Variants in CPXM2 observed in about 807,000 individuals in gnomAD.
CPXM2 encodes the protein carboxypeptidase X, M14 family member 2, also known as inactive carboxypeptidase-like protein X2.
CPXM2 carries 66 observed loss-of-function variants against 86.1 expected under a neutral mutation model. The ratio of observed to expected loss-of-function variants is 0.77; its 90% CI spans 0.63 to 0.94. The LOEUF (loss-of-function observed/expected upper bound fraction) is 0.94. Among genes scored for constraint, CPXM2 ranks in the 40% least tolerant of loss-of-function variants. The probability of loss-of-function intolerance (pLI) is 0.00; values close to 1 mark genes in which losing one functional copy is unlikely to be tolerated. For missense variants in CPXM2, 948 were observed against 1,026.3 expected (o/e 0.92, Z 1.04); for synonymous variants, 388 against 400.2 (o/e 0.97, Z 0.36).
In CPXM2 at chr10:123,771,004, G is replaced by A; in HGVS notation, c.1014C>T (p.Ile338=). 1 of 1,612,858 alleles carries A rather than the reference G, an allele frequency of 6.2e-7. No homozygotes were observed. Among genetic ancestry groups the A allele is most frequent in the East Asian group, 2.2e-5 (1 of 44,874 alleles). The change falls in exon 8 of 14, where the codon ATC becomes ATT. Residue 338 remains isoleucine (I), a synonymous_variant. Coordinates refer to ENST00000241305, the MANE Select transcript of CPXM2 (RefSeq NM_198148.3). ...MKVVNEMCPN[I]TRIYNIGKSH... ...TTTTTCCAATGTTGTAAATTCTGGT[G>A]ATATTGGGACACATTTCATTCACAA...
intron 4 of CPXM2, among the ~76,000 whole-genome samples, chr10:123,800,200 T>G (rs1590015458): frequency 6.6e-6 from 1 of 152,222 alleles, no homozygotes; most frequent in African/African-American, 2.4e-5. Flanking sequence ...GCTGGTTCTA[T>G]GCATTCTGGT....
chr10:123,773,941 G>C (rs1182594019), intron 7 of CPXM2, among the ~76,000 whole-genome samples: 1 of 152,210 alleles, frequency 6.6e-6, no homozygotes, highest in Non-Finnish European at 1.5e-5. Flanking sequence ...CCTCTCCCTA[G>C]AGGCTGCCTT....
At chr10:123,900,170 T>C (rs1396290896) in intron 2 of CPXM2, among the ~76,000 whole-genome samples, 1 of 152,144 alleles carries the variant, frequency 6.6e-6, no homozygotes, top group East Asian at 1.9e-4. Context: ...GCTTCCCTAG[T>C]AGTTGGGATT....
intron 3 of CPXM2, among the ~76,000 whole-genome samples, chr10:123,860,963 A>C (rs1277850105): frequency 6.6e-6 from 1 of 152,240 alleles, no homozygotes; most frequent in Non-Finnish European, 1.5e-5. Flanking sequence ...GCGGAGGTTA[A>C]GCAGTTCGAA....
chr10:123,780,775 T>C (rs1846916440), intron 6 of CPXM2, among the ~76,000 whole-genome samples: 1 of 152,164 alleles, frequency 6.6e-6, no homozygotes, highest in South Asian at 2.1e-4. Flanking sequence ...AAAAGTCCTA[T>C]GTTTGGGAAT....
chr10:123,941,955 G>A (rs1035861617), upstream of CPXM2, among the ~76,000 whole-genome samples: 1 of 152,254 alleles, frequency 6.6e-6, no homozygotes, highest in African/African-American at 2.4e-5. Context: ...AGGAGAAATT[G>A]TGAAAGAGCT....
chr10:123,787,335 C>T (rs961211165), intron 6 of CPXM2, among the ~76,000 whole-genome samples: 1 of 152,152 alleles, frequency 6.6e-6, no homozygotes, highest in African/African-American at 2.4e-5. Flanking sequence ...CCCACACCAG[C>T]CACAGCTCAG....
At chr10:123,898,784 G>A (rs185571828) in intron 2 of CPXM2, among the ~76,000 whole-genome samples, 33 of 151,948 alleles carry the variant, frequency 2.2e-4, no homozygotes, top group African/African-American at 6.3e-4. Flanking sequence ...CGCTCTTGTC[G>A]CCCAGGCTGG....
chr10:123,817,297 T>C (rs1284653737), intron 4 of CPXM2, among the ~76,000 whole-genome samples: 1 of 152,174 alleles, frequency 6.6e-6, no homozygotes, highest in African/African-American at 2.4e-5. Context: ...GATCCAATGG[T>C]GCTTGAGGCG....
intron 1 of CPXM2, among the ~76,000 whole-genome samples, chr10:123,890,494 T>C (rs1005725568): frequency 2.0e-5 from 3 of 152,230 alleles, no homozygotes; most frequent in African/African-American, 4.8e-5. Context: ...ACGTATCTCC[T>C]TTCAGGAAAG....
At chr10:123,921,799 G>A (rs1342201268) in intron 2 of CPXM2, among the ~76,000 whole-genome samples, 1 of 152,214 alleles carries the variant, frequency 6.6e-6, no homozygotes, top group African/African-American at 2.4e-5. Context: ...AGGATACCTA[G>A]AGTTTTAGAA....
chr10:123,862,176 G>A (rs1848863730), intron 3 of CPXM2, among the ~76,000 whole-genome samples: 1 of 152,200 alleles, frequency 6.6e-6, no homozygotes, highest in Non-Finnish European at 1.5e-5. Flanking sequence ...GGAACACAAT[G>A]GAGGGAGCCA....
chr10:123,793,980 G>A (rs1847266988), intron 6 of CPXM2, among the ~76,000 whole-genome samples: 1 of 152,228 alleles, frequency 6.6e-6, no homozygotes, highest in Admixed American at 6.5e-5. Flanking sequence ...AGTTTAGCAA[G>A]ACAGGCGGTG....
rs562945582 is a variant in CPXM2 at position 123,907,258 on chromosome 10, T to C, written n.175-26949A>G. 1.2e-3 allele frequency among the ~76,000 whole-genome samples: 176 copies of C among 152,330 alleles called. 1 individual carries two copies. Among genetic ancestry groups the C allele is most frequent in the African/African-American group, 4.1e-3 (169 of 41,566 alleles). On this transcript the variant is annotated intron_variant and non_coding_transcript_variant, in intron 2 of 19. Coordinates refer to the CPXM2 transcript ENST00000368854. ...AGAAGGCAGTTCAACTCACAAAGAC[T>C]ATTTTTAGAGACCTCTTAATGGAAA...
intron 2 of CPXM2, among the ~76,000 whole-genome samples, chr10:123,935,245 G>T (rs1289043741): frequency 6.6e-6 from 1 of 152,182 alleles, no homozygotes; most frequent in African/African-American, 2.4e-5. Context: ...GGGTGACAAG[G>T]CCTGGCTTAA....
chr10:123,841,841 A>G (rs941815115), intron 4 of CPXM2, among the ~76,000 whole-genome samples: 2 of 151,766 alleles, frequency 1.3e-5, no homozygotes, highest in Admixed American at 1.3e-4. Flanking sequence ...GAGAAATGAG[A>G]CCCCTTCTCA....
chr10:123,830,872 C>CTCTGTG lies in CPXM2; in HGVS notation c.653+11476_653+11477insCACAGA, dbSNP rs1258897184. ...CACTCATCTCTCTCTCTCTCTCTCT[C>CTCTGTG]TGTGTGTGTGTGTGTGTGTGTGTGT... On this transcript the variant is annotated intron_variant, in intron 4 of 13. Coordinates refer to ENST00000241305, the MANE Select transcript of CPXM2 (RefSeq NM_198148.3). Among the ~76,000 whole-genome samples, 745 of 142,768 alleles carry CTCTGTG rather than the reference C, an allele frequency of 5.2e-3. 6 individuals carry two copies. Among genetic ancestry groups the CTCTGTG allele is most frequent in the African/African-American group, 0.019 (707 of 37,814 alleles). 93.7% of individuals were successfully genotyped at this position (142,768 alleles called of 152,430 possible). A position where few individuals can be genotyped will look rare whatever the true frequency, so the allele number is the denominator to read the frequency against.
At chr10:123,863,157 T>C (rs1387842963) in intron 2 of CPXM2, among the ~76,000 whole-genome samples, 1 of 152,156 alleles carries the variant, frequency 6.6e-6, no homozygotes. Flanking sequence ...GCAAAATGGA[T>C]AACATGGAGC....
chr10:123,853,268 G>A (rs545832633), intron 3 of CPXM2, among the ~76,000 whole-genome samples: 6 of 152,266 alleles, frequency 3.9e-5, no homozygotes, highest in South Asian at 4.1e-4. Flanking sequence ...CTACAGAACC[G>A]TGAGCCAATG....
Sources: gnomAD v4.1 joint callset for allele counts (sites outside exome capture counted in the v4.1 genomes callset) on GRCh38, gnomAD v4.1.1 for gene constraint, MANE v1.5 for transcripts, NCBI Gene and HGNC (gene_info 2026-07-23, HGNC 2026-07-21) for gene names.